Variants in NFIB observed in about 807,000 individuals in gnomAD.
NFIB encodes the protein nuclear factor 1 B-type.
In NFIB, 11 loss-of-function variants were observed where a neutral mutation model predicts 61.5. That is an observed-to-expected ratio of 0.18 (90% CI 0.11 to 0.30). The LOEUF (loss-of-function observed/expected upper bound fraction) is 0.30. NFIB is among the 10% of genes least tolerant of loss of function. The pLI is 1.00. For synonymous variants in NFIB, 260 were observed against 216.5 expected (o/e 1.20, Z -1.76); for missense variants, 471 against 608.9 (o/e 0.77, Z 2.38).
At chr9:14,420,445 CAAAAAAAAAAAAA>C in the NFIB span, among the ~76,000 whole-genome samples, 6 of 42,418 alleles carry the variant, frequency 1.4e-4, no homozygotes, top group Admixed American at 3.7e-4. Context: ...GACTCCGTCT[CAAAAAAAAAAAAA>C]AAAAAAAAAA....
chr9:14,385,637 C>T (rs1244970141), intron 1 of NFIB, among the ~76,000 whole-genome samples: 1 of 152,178 alleles, frequency 6.6e-6, no homozygotes, highest in Non-Finnish European at 1.5e-5. Flanking sequence ...CCACAGTTAA[C>T]ATTTAGGTAT....
intron 1 of NFIB, among the ~76,000 whole-genome samples, chr9:14,364,589 T>G (rs1229510754): frequency 1.3e-5 from 2 of 152,228 alleles, no homozygotes; most frequent in Non-Finnish European, 2.9e-5. Flanking sequence ...TCAGAATGTT[T>G]ATATCTGCAC....
the NFIB span, among the ~76,000 whole-genome samples, chr9:14,446,070 G>A: frequency 2.0e-5 from 3 of 152,278 alleles, no homozygotes; most frequent in Admixed American, 1.3e-4. Context: ...CTCTCTTCCA[G>A]CTTTCATTGC....
At chr9:14,360,833 G>C (rs1165147285) in intron 1 of NFIB, among the ~76,000 whole-genome samples, 1 of 152,016 alleles carries the variant, frequency 6.6e-6, no homozygotes, top group Non-Finnish European at 1.5e-5. Flanking sequence ...TGGGATTACA[G>C]GCTTGAGCCA....
At chr9:14,514,932 G>A in the NFIB span, among the ~76,000 whole-genome samples, 1 of 152,082 alleles carries the variant, frequency 6.6e-6, no homozygotes, top group Non-Finnish European at 1.5e-5. Context: ...GAACCACTGG[G>A]CTAAGATATT....
intron 2 of NFIB, among the ~76,000 whole-genome samples, chr9:14,197,787 C>T (rs986110810): frequency 7.2e-5 from 11 of 152,050 alleles, no homozygotes; most frequent in African/African-American, 2.7e-4. Flanking sequence ...TTGGAAATAA[C>T]TTGGGGAAAA....
chr9:14,437,037 T>G, the NFIB span, among the ~76,000 whole-genome samples: 2 of 152,190 alleles, frequency 1.3e-5, no homozygotes, highest in African/African-American at 4.8e-5. Flanking sequence ...AGTGGCCTGC[T>G]TTGTCTGGAT....
At chr9:14,152,931 G>C (rs1477803731) in intron 4 of NFIB, among the ~76,000 whole-genome samples, 1 of 151,914 alleles carries the variant, frequency 6.6e-6, no homozygotes, top group Non-Finnish European at 1.5e-5. Context: ...AGTTATAATA[G>C]ACAGAAAGAA....
At chr9:14,166,613 C>T (rs575284196) in intron 3 of NFIB, among the ~76,000 whole-genome samples, 12 of 152,284 alleles carry the variant, frequency 7.9e-5, no homozygotes, top group African/African-American at 2.9e-4. Flanking sequence ...TAATTTTTAG[C>T]TCATCAAATT....
At chr9:14,322,746 G>C (rs573398872) in intron 1 of NFIB, among the ~76,000 whole-genome samples, 1 of 152,170 alleles carries the variant, frequency 6.6e-6, no homozygotes, top group East Asian at 1.9e-4. Context: ...GCCCGAGTGG[G>C]TGTGGCGGCC....
chr9:14,454,960 T>C, the NFIB span, among the ~76,000 whole-genome samples: 2 of 152,216 alleles, frequency 1.3e-5, no homozygotes, highest in African/African-American at 4.8e-5. Flanking sequence ...AATGAAGATT[T>C]AGAGCAGAAT....
chr9:14,385,648 A>G (rs1309962384), intron 1 of NFIB, among the ~76,000 whole-genome samples: 1 of 152,214 alleles, frequency 6.6e-6, no homozygotes, highest in East Asian at 1.9e-4. Context: ...ATTTAGGTAT[A>G]CAGCCTTCTT....
chr9:14,456,233 G>T, the NFIB span, among the ~76,000 whole-genome samples: 3 of 150,528 alleles, frequency 2.0e-5, no homozygotes, highest in African/African-American at 7.3e-5. Flanking sequence ...ATCATTTAAG[G>T]CATGAAAGTG....
intron 1 of NFIB, among the ~76,000 whole-genome samples, chr9:14,356,482 G>A (rs1435431025): frequency 6.6e-6 from 1 of 152,194 alleles, no homozygotes; most frequent in Non-Finnish European, 1.5e-5. Context: ...TTGGGAAGCT[G>A]GAGCTGAATA....
rs548500504 is a variant in NFIB at position 14,140,976 on chromosome 9, A to G, written c.925+5713T>C. On this transcript the variant is annotated intron_variant, in intron 6 of 10. Transcript: ENST00000380953. ...TCTGGTTCTGTCAGCATGCTATCAC[A>G]CTCTTATTTACTGTTACTTATTTCC... 1.0e-3 allele frequency among the ~76,000 whole-genome samples: 156 copies of G among 151,958 alleles called. 2 individuals are homozygous for G. The highest frequency in any genetic ancestry group is 3.6e-3 in the African/African-American group (150 of 41,432).
chr9:14,469,245 C>T, the NFIB span, among the ~76,000 whole-genome samples: 7 of 152,244 alleles, frequency 4.6e-5, no homozygotes, highest in South Asian at 4.1e-4. Flanking sequence ...TTTTATCATA[C>T]GGCAAAAAGA....
chr9:14,218,459 G>T (rs1237285486), intron 2 of NFIB, among the ~76,000 whole-genome samples: 1 of 152,012 alleles, frequency 6.6e-6, no homozygotes, highest in African/African-American at 2.4e-5. Context: ...GCTTGAAAAA[G>T]ACTTTGCATA....
chr9:14,479,722 A>C, the NFIB span, among the ~76,000 whole-genome samples: 1 of 152,212 alleles, frequency 6.6e-6, no homozygotes, highest in Non-Finnish European at 1.5e-5. Context: ...TTCCAAGTAA[A>C]GATCATGTGC....
intron 2 of NFIB, among the ~76,000 whole-genome samples, chr9:14,277,368 C>CAT (rs386414483): frequency 2.0e-5 from 3 of 151,580 alleles, no homozygotes; most frequent in Non-Finnish European, 4.4e-5. Context: ...CACACACACA[C>CAT]ATTTTTGAAT....
Sources: gnomAD v4.1 joint callset for allele counts (sites outside exome capture counted in the v4.1 genomes callset) on GRCh38, gnomAD v4.1.1 for gene constraint, MANE v1.5 for transcripts, NCBI Gene and HGNC (gene_info 2026-07-23, HGNC 2026-07-21) for gene names.